Variants in GPC5 observed in about 807,000 individuals in gnomAD.
GPC5 encodes the protein glypican-5.
In GPC5, 47 loss-of-function variants were observed where a neutral mutation model predicts 53.9. The observed-to-expected ratio is 0.87, with a 90% confidence interval of 0.69 to 1.11. The LOEUF (loss-of-function observed/expected upper bound fraction) is 1.11, where lower values mean the gene tolerates loss of function less well. GPC5 is among the 50% of genes most tolerant of loss of function. The pLI is 0.00. For synonymous variants in GPC5, 286 were observed against 263.3 expected (o/e 1.09, Z -0.84); for missense variants, 748 against 713.1 (o/e 1.05, Z -0.56).
At chr13:92,054,253 T>C (rs185598998) in intron 6 of GPC5, among the ~76,000 whole-genome samples, 5 of 151,312 alleles carry the variant, frequency 3.3e-5, no homozygotes, top group African/African-American at 1.2e-4. Flanking sequence ...TAAACAGAGA[T>C]ACAGGACAAA....
At chr13:91,770,706 G>GTT (rs2037608420) in intron 5 of GPC5, among the ~76,000 whole-genome samples, 1 of 102,352 alleles carries the variant, frequency 9.8e-6, no homozygotes, top group Non-Finnish European at 1.9e-5. Flanking sequence ...CTGTGTGTTT[G>GTT]TGTGTGTGTG....
chr13:92,471,979 C>A (rs1878931219), intron 7 of GPC5, among the ~76,000 whole-genome samples: 1 of 152,044 alleles, frequency 6.6e-6, no homozygotes, highest in Admixed American at 6.6e-5. Context: ...CATTGTGTTC[C>A]TTTGGACTTA....
intron 2 of GPC5, among the ~76,000 whole-genome samples, chr13:91,482,352 T>C (rs1327286950): frequency 6.6e-6 from 1 of 152,146 alleles, no homozygotes; most frequent in South Asian, 2.1e-4. Flanking sequence ...AACCTACCAG[T>C]GCCTTGATCA....
chr13:91,519,799 G>T (rs1281010463), intron 2 of GPC5, among the ~76,000 whole-genome samples: 1 of 152,068 alleles, frequency 6.6e-6, no homozygotes, highest in African/African-American at 2.4e-5. Context: ...TTTAGCCAAA[G>T]CTGGAATGAT....
chr13:91,586,647 G>A (rs543146826), intron 2 of GPC5, among the ~76,000 whole-genome samples: 2 of 142,610 alleles, frequency 1.4e-5, no homozygotes, highest in South Asian at 4.6e-4. Flanking sequence ...TCACTATCAT[G>A]AGAACATCAT....
At chr13:92,780,293 T>A (rs1017654371) in intron 7 of GPC5, among the ~76,000 whole-genome samples, 3 of 151,556 alleles carry the variant, frequency 2.0e-5, no homozygotes, top group Non-Finnish European at 4.4e-5. Context: ...AAGTGTAATT[T>A]ATATTTCACT....
chr13:91,992,489 A>C (rs2040466158), intron 6 of GPC5, among the ~76,000 whole-genome samples: 2 of 147,436 alleles, frequency 1.4e-5, no homozygotes, highest in Non-Finnish European at 1.5e-5. Flanking sequence ...GTGGAGTCTC[A>C]CTCTGTCATC....
intron 4 of GPC5, among the ~76,000 whole-genome samples, chr13:91,755,651 A>G (rs554761396): frequency 6.6e-6 from 1 of 152,194 alleles, no homozygotes; most frequent in South Asian, 2.1e-4. Flanking sequence ...GTATTGTGGG[A>G]GGAAAAAATC....
chr13:91,661,587 T>A lies in GPC5; in HGVS notation c.326-31600T>A, dbSNP rs188914932. ...GTGGGGAAAAAAAAGTAGAACCTTC[T>A]ACATAGGGCTTGAGAGTGGGTTATA... is the stretch of plus-strand genomic sequence containing the variant. On this transcript the variant is annotated intron_variant, in intron 2 of 7. Coordinates refer to ENST00000377067, the MANE Select transcript of GPC5 (RefSeq NM_004466.6). Among the ~76,000 whole-genome samples the A allele has an allele frequency of 4.6e-5, 7 of 152,314 alleles. No individual in the cohort carries two copies. In the South Asian group the frequency reaches 8.3e-4, roughly 18 times the overall value.
intron 5 of GPC5, among the ~76,000 whole-genome samples, chr13:91,783,194 C>T (rs1325460901): frequency 6.6e-6 from 1 of 151,952 alleles, no homozygotes; most frequent in Non-Finnish European, 1.5e-5. Context: ...GCAGAGGTTG[C>T]AGTGAGCTGA....
chr13:91,551,024 G>A (rs543411404), intron 2 of GPC5, among the ~76,000 whole-genome samples: 1 of 152,076 alleles, frequency 6.6e-6, no homozygotes, highest in Non-Finnish European at 1.5e-5. Flanking sequence ...AGCAGTGTGA[G>A]AACTGACTAA....
Position 92,249,349 on chromosome 13 carries a change from T to C in GPC5, c.1561+104360T>C, listed in dbSNP as rs372575762. Among the ~76,000 whole-genome samples the C allele has an allele frequency of 9.2e-5, 14 of 152,246 alleles. No homozygotes were observed. In the South Asian group the frequency reaches 1.0e-3, roughly 11 times the overall value. On this transcript the variant is annotated intron_variant, in intron 7 of 7. Transcript: ENST00000377067. ...CTAAATTTTGGTAAATATGATACTT[T>C]CTTTGAACAGATGCTACGGAGGCCA...
At chr13:92,300,422 T>A (rs1224943618) in intron 7 of GPC5, among the ~76,000 whole-genome samples, 1 of 152,196 alleles carries the variant, frequency 6.6e-6, no homozygotes, top group African/African-American at 2.4e-5. Context: ...TTTGGTTCTG[T>A]AGGCCTAGAG....
intron 7 of GPC5, among the ~76,000 whole-genome samples, chr13:92,157,622 A>G (rs750668445): frequency 6.6e-6 from 1 of 152,192 alleles, no homozygotes; most frequent in Admixed American, 6.5e-5. Context: ...CATTAAGAAA[A>G]AGAAGTTAGG....
chr13:92,550,415 A>G (rs560420847), intron 7 of GPC5, among the ~76,000 whole-genome samples: 2 of 151,998 alleles, frequency 1.3e-5, no homozygotes, highest in South Asian at 2.1e-4. Flanking sequence ...AGTAATATCT[A>G]TTAAATTTAT....
intron 2 of GPC5, among the ~76,000 whole-genome samples, chr13:91,449,724 T>C (rs764771232): frequency 3.1e-4 from 47 of 152,176 alleles, no homozygotes; most frequent in Non-Finnish European, 5.0e-4. Context: ...TATGTTCAGA[T>C]ATAAAATTAA....
intron 7 of GPC5, among the ~76,000 whole-genome samples, chr13:92,555,522 A>T (rs1458884472): frequency 1.3e-5 from 2 of 151,242 alleles, no homozygotes; most frequent in East Asian, 3.9e-4. Context: ...AAACAGAACA[A>T]ATTTTAATAA....
intron 7 of GPC5, among the ~76,000 whole-genome samples, chr13:92,454,501 T>C (rs796385793): frequency 4.9e-4 from 75 of 152,326 alleles, no homozygotes; most frequent in Middle Eastern, 3.4e-3. Context: ...CATTCCATGA[T>C]AAGTACCACA....
chr13:91,960,669 C>T (rs2139074365), intron 6 of GPC5, among the ~76,000 whole-genome samples: 1 of 151,900 alleles, frequency 6.6e-6, no homozygotes, highest in African/African-American at 2.4e-5. Context: ...TATTACAAGG[C>T]TATAGTAAAA....
Sources: gnomAD v4.1 joint callset for allele counts (sites outside exome capture counted in the v4.1 genomes callset) on GRCh38, gnomAD v4.1.1 for gene constraint, MANE v1.5 for transcripts, NCBI Gene and HGNC (gene_info 2026-07-23, HGNC 2026-07-21) for gene names.